Variants in PROSER1 observed in about 807,000 individuals in gnomAD.
PROSER1 encodes proline and serine rich 1, also known as proline and serine-rich protein 1.
A neutral mutation model predicts 71.8 loss-of-function variants in PROSER1; 36 were observed. The observed-to-expected ratio is 0.50, with a 90% CI of 0.38 to 0.66. The LOEUF is 0.66. Among genes scored for constraint, PROSER1 ranks in the 30% least tolerant of loss-of-function variants. The probability of loss-of-function intolerance (pLI) is 0.00; values close to 1 mark genes in which losing one functional copy is unlikely to be tolerated. For synonymous variants in PROSER1, 490 were observed against 452.4 expected, an observed-to-expected ratio of 1.08 and a Z score of -1.06; for missense variants, 1,107 against 1,135.0, an observed-to-expected ratio of 0.98 and a Z score of 0.35.
chr13:39,031,651 AG>A lies in PROSER1; in HGVS notation c.112-21del. The A allele has an allele frequency of 6.3e-7, 1 of 1,598,102 alleles. No homozygotes were observed. Among genetic ancestry groups the A allele is most frequent in the Non-Finnish European group, 8.5e-7 (1 of 1,170,232 alleles). On this transcript the variant is annotated intron_variant, in intron 2 of 12. Transcript: ENST00000352251. ...AACCACCTGAAAACAAAGAACTAAC[AG>A]CTCTAATGACAGCATGTTTGCAAAC...
Position 39,013,783 on chromosome 13 carries a change from G to C in PROSER1, c.1469C>G (p.Ser490Cys), listed in dbSNP as rs151038147. The change falls in exon 11 of 13, where the codon TCC (serine) becomes TGC (cysteine). Residue 490 changes from serine (S) to cysteine (C), a missense_variant. By Grantham distance (112) the Ser-to-Cys change is moderately radical (BLOSUM62 -1). Coordinates refer to ENST00000352251, the MANE Select transcript of PROSER1 (RefSeq NM_025138.5). ...DTNLINSSALSSAVTSGLASL... is the reference protein window; with the variant it reads ...DTNLINSSALCSAVTSGLASL... ...AGCCAGCCCACTTGTGACAGCAGAG[G>C]ATAAAGCAGAGGAGTTGATTAAATT... 377 of 1,614,174 alleles carry C rather than the reference G, an allele frequency of 2.3e-4. 1 individual carries two copies. In the Middle Eastern group the frequency reaches 3.8e-3, roughly 16 times the overall value.
chr13:39,032,423 T>G (rs1279984737), intron 2 of PROSER1, among the ~76,000 whole-genome samples: 1 of 152,156 alleles, frequency 6.6e-6, no homozygotes, highest in Non-Finnish European at 1.5e-5. Flanking sequence ...AGTCTCAGCA[T>G]GATCACCACC....
chr13:39,022,474 CTG>C, intron 8 of PROSER1, 62 bp from the exon 9 acceptor site: 2 of 1,106,364 alleles, frequency 1.8e-6, no homozygotes, highest in Non-Finnish European at 1.4e-6. Context: ...TGGTATTGTT[CTG>C]TGACTAGGAG....
At position 39,014,936 on chromosome 13, in the gene PROSER1, A is replaced by G. The variant is rs184431728; in HGVS notation, c.776-460T>C. Among the ~76,000 whole-genome samples the G allele has an allele frequency of 1.3e-3, 191 of 152,084 alleles. 1 individual carries two copies. Among genetic ancestry groups the G allele is most frequent in the Non-Finnish European group, 5.9e-4 (40 of 67,982 alleles). ...CAGGATTCATGCCCAGCTCTCCAGT[A>G]TTGTTTGTTGCCACTCTGTGAGTTG... On this transcript the variant is annotated intron_variant, in intron 10 of 12. Transcript: ENST00000352251.
rs139023239 is a variant in PROSER1, at chr13:39,037,127, C to G, written c.45+71G>C. 2.5e-5 allele frequency: 29 copies of G among 1,161,214 alleles called. No individual in the cohort carries two copies. In the African/African-American group the frequency reaches 4.4e-4, roughly 18 times the overall value. The allele number at this position is 1,161,214 out of a possible 1,614,324, so 71.9% of individuals were successfully genotyped here. On this transcript the variant is annotated intron_variant, in intron 1 of 12. Transcript: ENST00000352251. ...ACCCTTATTCTGCACAATCTCCATA[C>G]AGTACCTCAAAGAGAGTCTAAAACA...
Position 39,014,682 on chromosome 13 carries a change from ACT to A in PROSER1, c.776-208_776-207del, listed in dbSNP as rs368046235. Among the ~76,000 whole-genome samples the A allele has an allele frequency of 1.8e-4, 27 of 152,194 alleles. No homozygotes were observed. The East Asian group carries it at 3.7e-3, about 21-fold the overall frequency. On this transcript the variant is annotated intron_variant, in intron 10 of 12. Transcript: ENST00000352251. ...CCAGTCAGATCCAGTTTTCGTCTAG[ACT>A]CTGCTCAAAATAGCCCTCCAAATCA...
rs930733787 is a variant in PROSER1, at chr13:39,011,543, G to A, written c.2713-56C>T. ...GAGTGCCAAGTTCATTCAAGCCTGC[G>A]CTTGCTTCTACCCATGCCACACAGA... On this transcript the variant is annotated intron_variant, in intron 12 of 12. Coordinates refer to ENST00000352251, the MANE Select transcript of PROSER1 (RefSeq NM_025138.5). 13 of 1,584,768 alleles carry A rather than the reference G, an allele frequency of 8.2e-6. 1 individual carries two copies. The highest frequency in any genetic ancestry group is 5.6e-5 in the South Asian group (5 of 89,468).
chr13:39,012,069 C>T lies in PROSER1; in HGVS notation c.2712+14G>A, dbSNP rs1418704077. 2 of 1,609,960 alleles carry T rather than the reference C, an allele frequency of 1.2e-6. No individual in the cohort carries two copies. The highest frequency in any genetic ancestry group is 1.7e-5 in the Admixed American group (1 of 59,228). ...CATGTTACCATGTAATTTATGCCAG[C>T]CATTGCTGCTTACCTGCTGTAACAA... On this transcript the variant is annotated intron_variant, in intron 12 of 12. Transcript: ENST00000352251.
Position 39,024,561 on chromosome 13 carries a change from TAAAA to T in PROSER1, c.481-9_481-6del, listed in dbSNP as rs67984592. ...ATCTTTTTTCAAAGGAGTTCCCTAT[TAAAA>T]AAAAAAAAAAAAGGTAATTGAAACT... On this transcript the variant is annotated splice_region_variant and splice_polypyrimidine_tract_variant and intron_variant, in intron 6 of 12. Transcript: ENST00000352251. 5.4e-5 allele frequency: 69 copies of T among 1,269,414 alleles called. No homozygotes were observed. The highest frequency in any genetic ancestry group is 8.6e-5 in the Admixed American group (3 of 34,908). The allele number at this position is 1,269,414 out of a possible 1,614,324, so 78.6% of individuals were successfully genotyped here.
Position 39,013,401 on chromosome 13 carries a change from C to A in PROSER1, c.1851G>T (p.Ser617=), listed in dbSNP as rs187828982. Residue 617 remains serine, a synonymous_variant, in exon 11 of 13, where the codon TCG becomes TCT. Coordinates refer to ENST00000352251, the MANE Select transcript of PROSER1 (RefSeq NM_025138.5). The part of the protein sequence containing the change: ...IKTEPTSPTP[S]AFKGPSHSGN... Reference sequence around the variant, plus strand: ...CAGAATGAGATGGACCTTTGAAGGCCGAGGGAGTAGGACTTGTGGGCTCAG... The same window carrying A: ...CAGAATGAGATGGACCTTTGAAGGCAGAGGGAGTAGGACTTGTGGGCTCAG... 1 of 1,614,026 alleles carries A rather than the reference C, an allele frequency of 6.2e-7. No homozygotes were observed. The highest frequency in any genetic ancestry group is 1.3e-5 in the African/African-American group (1 of 74,970).
intron 10 of PROSER1, 89 bp from the exon 11 acceptor site, chr13:39,014,565 T>C (rs550991033): frequency 2.2e-6 from 2 of 911,318 alleles, no homozygotes; most frequent in South Asian, 1.8e-5. Flanking sequence ...TTTTGTAATA[T>C]TTAACAAATA....
intron 4 of PROSER1, 165 bp downstream of exon 4, chr13:39,029,116 G>A: frequency 4.3e-6 from 2 of 464,916 alleles, no homozygotes; most frequent in Non-Finnish European, 7.5e-6. Context: ...AGTCATATAT[G>A]TAATAAGTAC....
chr13:39,032,023 G>C (rs1196987248), intron 2 of PROSER1, among the ~76,000 whole-genome samples: 1 of 152,128 alleles, frequency 6.6e-6, no homozygotes, highest in East Asian at 1.9e-4. Flanking sequence ...AATAGGAAAA[G>C]GATGGTTGAG....
rs1255390161 is a variant in PROSER1 at position 39,024,647 on chromosome 13, G to T, written c.481-91C>A. 1.5e-5 allele frequency: 13 copies of T among 881,486 alleles called. No individual in the cohort carries two copies. The Admixed American group carries it at 2.2e-4, about 15-fold the overall frequency. 54.6% of individuals were successfully genotyped at this position (881,486 alleles called of 1,614,324 possible). On this transcript the variant is annotated intron_variant, in intron 6 of 12. Coordinates refer to ENST00000352251, the MANE Select transcript of PROSER1 (RefSeq NM_025138.5). ...ACCAACCTCACTGTATTACACTGAA[G>T]AAAAGGACTTGGTAAGAGTGTAAAG...
chr13:39,019,713 C>T (rs528442324), intron 9 of PROSER1, among the ~76,000 whole-genome samples: 7 of 150,830 alleles, frequency 4.6e-5, no homozygotes, highest in Admixed American at 4.6e-4. Context: ...TTGACCAATA[C>T]AATTTAGCAA....
At chr13:39,019,942 A>G (rs1870209371) in intron 9 of PROSER1, among the ~76,000 whole-genome samples, 1 of 151,998 alleles carries the variant, frequency 6.6e-6, no homozygotes, top group Non-Finnish European at 1.5e-5. Flanking sequence ...TACAGGCAAA[A>G]TATTTTTTAT....
intron 6 of PROSER1, among the ~76,000 whole-genome samples, 192 bp from the exon 7 acceptor site, chr13:39,024,748 G>C (rs1210017128): frequency 2.0e-5 from 3 of 151,990 alleles, no homozygotes; most frequent in Non-Finnish European, 4.4e-5. Context: ...CTATGCTATG[G>C]AACTCTCATA....
chr13:39,032,250 C>T (rs535236371), intron 2 of PROSER1, among the ~76,000 whole-genome samples: 5 of 152,286 alleles, frequency 3.3e-5, no homozygotes, highest in African/African-American at 1.2e-4. Context: ...TAAGAGTCAA[C>T]ATGAATTACT....
intron 1 of PROSER1, among the ~76,000 whole-genome samples, chr13:39,036,108 G>C (rs1871087839): frequency 1.3e-5 from 2 of 152,228 alleles, no homozygotes; most frequent in South Asian, 4.1e-4. Context: ...CTCATGAAAA[G>C]TAATTAAAAA....
Sources: allele counts gnomAD v4.1 joint callset (sites outside exome capture counted in the v4.1 genomes callset), GRCh38; gene constraint gnomAD v4.1.1; transcripts MANE v1.5; gene names NCBI Gene and HGNC (gene_info 2026-07-23, HGNC 2026-07-21).